HOOK3: variants seen among roughly 807,000 people sequenced by gnomAD.
HOOK3 encodes the protein protein Hook homolog 3.
In HOOK3, 24 loss-of-function variants were observed where a neutral mutation model predicts 116.3. That is an observed-to-expected ratio of 0.21 (90% CI 0.15 to 0.29). HOOK3 has a LOEUF of 0.29. Among genes scored for constraint, HOOK3 ranks in the 10% least tolerant of loss-of-function variants. The pLI is 1.00. For synonymous variants in HOOK3, 275 were observed against 283.0 expected (o/e 0.97, Z 0.28); for missense variants, 632 against 830.2 (o/e 0.76, Z 2.93).
chr8:42,986,444 CTG>C (rs1308521367), intron 14 of HOOK3, among the ~76,000 whole-genome samples: 1 of 151,980 alleles, frequency 6.6e-6, no homozygotes, highest in Non-Finnish European at 1.5e-5. Context: ...TATTTAGAGA[CTG>C]TATTATTTCT....
intron 15 of HOOK3, 42 bp from the exon 16 acceptor site, chr8:42,997,508 G>A (rs1180006919): frequency 5.5e-6 from 7 of 1,276,930 alleles, no homozygotes; most frequent in Non-Finnish European, 6.7e-6. Flanking sequence ...AAAGGCATAC[G>A]TAACTCACCA....
Position 43,022,406 on chromosome 8 carries a change from G to T in HOOK3, c.*3908G>T. ...GAGCTTGTCCAGGCACCAGCATGGAGCAAGTACAGGGTTGCTGTGTTGGGT... is the reference window on the plus strand; with the variant it reads ...GAGCTTGTCCAGGCACCAGCATGGATCAAGTACAGGGTTGCTGTGTTGGGT... On this transcript the variant is annotated 3_prime_UTR_variant, in exon 22 of 22. Coordinates refer to ENST00000307602, the MANE Select transcript of HOOK3 (RefSeq NM_032410.4). The T allele has an allele frequency of 4.9e-6, 1 of 204,106 alleles. No individual in the cohort carries two copies. The highest frequency in any genetic ancestry group is 1.0e-5 in the Non-Finnish European group (1 of 99,496). The allele number at this position is 204,106 out of a possible 1,614,324, so 12.6% of individuals were successfully genotyped here. A position where few individuals can be genotyped will look rare whatever the true frequency, so the allele number is the denominator to read the frequency against.
intron 16 of HOOK3, among the ~76,000 whole-genome samples, chr8:42,998,360 AAAAAC>A (rs1194568759): frequency 6.6e-6 from 1 of 152,216 alleles, no homozygotes; most frequent in East Asian, 1.9e-4. Context: ...AAAGAGGAGA[AAAAAC>A]AAAATTTTGG....
chr8:42,901,653 G>A (rs770671648), intron 1 of HOOK3, among the ~76,000 whole-genome samples: 109 of 152,122 alleles, frequency 7.2e-4, no homozygotes, highest in Admixed American at 2.1e-3. Context: ...ATTGAATAAA[G>A]CCATGTTTTA....
intron 11 of HOOK3, among the ~76,000 whole-genome samples, chr8:42,972,086 AT>A (rs1377002957): frequency 6.6e-6 from 1 of 151,968 alleles, no homozygotes; most frequent in Non-Finnish European, 1.5e-5. Flanking sequence ...TTATTCTGTT[AT>A]TTTTTGGTTG....
chr8:42,925,332 C>T (rs1245681743), intron 2 of HOOK3, among the ~76,000 whole-genome samples: 1 of 152,110 alleles, frequency 6.6e-6, no homozygotes, highest in East Asian at 1.9e-4. Context: ...CTCCTGACCT[C>T]AAGTGATCTG....
intron 6 of HOOK3, among the ~76,000 whole-genome samples, chr8:42,952,973 G>A (rs1808369057): frequency 6.6e-6 from 1 of 151,992 alleles, no homozygotes. Context: ...TGCAGTGCTG[G>A]CTTTCATGTT....
At chr8:42,956,265 T>TGTG (rs1554512121) in intron 6 of HOOK3, among the ~76,000 whole-genome samples, 15 of 149,116 alleles carry the variant, frequency 1.0e-4, no homozygotes, top group African/African-American at 1.8e-4. Context: ...TGTGTGTGTG[T>TGTG]TATCATTAAA....
At chr8:42,915,197 T>G (rs1807507672) in intron 2 of HOOK3, among the ~76,000 whole-genome samples, 1 of 151,978 alleles carries the variant, frequency 6.6e-6, no homozygotes, top group African/African-American at 2.4e-5. Flanking sequence ...ACCAGGTGAT[T>G]TTCACTTTCC....
intron 2 of HOOK3, among the ~76,000 whole-genome samples, chr8:42,913,604 T>C (rs568001118): frequency 6.6e-6 from 1 of 152,380 alleles, no homozygotes; most frequent in African/African-American, 2.4e-5. Flanking sequence ...TATGAACATA[T>C]GCTTCAGTTT....
intron 14 of HOOK3, among the ~76,000 whole-genome samples, 164 bp from the exon 15 acceptor site, chr8:42,986,491 C>G (rs372443076): frequency 6.6e-6 from 1 of 152,054 alleles, no homozygotes; most frequent in African/African-American, 2.4e-5. Context: ...AATGTAATGT[C>G]TTTACCAGCT....
chr8:42,908,513 A>G (rs899414330), intron 2 of HOOK3, among the ~76,000 whole-genome samples: 5 of 152,248 alleles, frequency 3.3e-5, no homozygotes, highest in Non-Finnish European at 7.3e-5. Flanking sequence ...CCATACATCT[A>G]TAGTCAGTTG....
intron 14 of HOOK3, among the ~76,000 whole-genome samples, chr8:42,986,351 A>G (rs1330389756): frequency 1.3e-5 from 2 of 152,204 alleles, no homozygotes; most frequent in Non-Finnish European, 2.9e-5. Flanking sequence ...AGAATCAGAT[A>G]AATAAATAAA....
chr8:43,003,208 T>G (rs973458000), intron 17 of HOOK3, among the ~76,000 whole-genome samples: 2 of 152,178 alleles, frequency 1.3e-5, no homozygotes, highest in Non-Finnish European at 2.9e-5. Context: ...TAATTTGGAT[T>G]TATTCTACTA....
At chr8:42,913,951 G>C (rs541622588) in intron 2 of HOOK3, among the ~76,000 whole-genome samples, 1 of 152,176 alleles carries the variant, frequency 6.6e-6, no homozygotes, top group African/African-American at 2.4e-5. Flanking sequence ...AGCCTACACA[G>C]TACATATGCC....
chr8:42,945,705 G>A (rs946862326), intron 5 of HOOK3, among the ~76,000 whole-genome samples: 1 of 152,142 alleles, frequency 6.6e-6, no homozygotes, highest in Non-Finnish European at 1.5e-5. Flanking sequence ...TCATTAGGTG[G>A]TGTTCAATGA....
intron 3 of HOOK3, among the ~76,000 whole-genome samples, chr8:42,926,033 A>G (rs1009891673): frequency 3.9e-5 from 6 of 152,216 alleles, no homozygotes; most frequent in African/African-American, 1.4e-4. Flanking sequence ...AACACTGATC[A>G]TTATTAACTG....
intron 2 of HOOK3, among the ~76,000 whole-genome samples, chr8:42,907,816 C>CAAAAAAAAAAAAAAAAAAAAAAAAAAAA (rs71550426): frequency 2.2e-5 from 1 of 46,198 alleles, no homozygotes; most frequent in Non-Finnish European, 4.5e-5. Flanking sequence ...AGCAACGAGG[C>CAAAAAAAAAAAAAAAAAAAAAAAAAAAA]AAAAAAAAAA....
At chr8:42,973,683 G>A (rs563284160) in intron 12 of HOOK3, among the ~76,000 whole-genome samples, 1 of 152,180 alleles carries the variant, frequency 6.6e-6, no homozygotes, top group African/African-American at 2.4e-5. Flanking sequence ...CTATAAGTTT[G>A]TGTAGCTTTC....
Sources: allele counts gnomAD v4.1 joint callset (sites outside exome capture counted in the v4.1 genomes callset), GRCh38; gene constraint gnomAD v4.1.1; transcripts MANE v1.5; gene names NCBI Gene and HGNC (gene_info 2026-07-23, HGNC 2026-07-21).